The following MRE11 variants were observed in gnomAD, a reference collection of about 807,000 sequenced individuals.
The protein encoded by MRE11 is MRE11 double strand break repair nuclease, also known as double-strand break repair protein MRE11.
MRE11 carries 62 observed loss-of-function variants against 91.7 expected under a neutral mutation model. The ratio of observed to expected loss-of-function variants is 0.68; its 90% CI spans 0.55 to 0.84. MRE11 has a LOEUF of 0.84. Among genes scored for constraint, MRE11 ranks in the 40% least tolerant of loss-of-function variants. The pLI is 0.00. For missense variants in MRE11, 796 were observed against 852.9 expected (o/e 0.93, Z 0.83); for synonymous variants, 273 against 271.4 (o/e 1.01, Z -0.06).
At chr11:94,425,710 T>C (rs889112123) in intron 19 of MRE11, among the ~76,000 whole-genome samples, 19 of 152,162 alleles carry the variant, frequency 1.2e-4, no homozygotes, top group African/African-American at 4.3e-4. Flanking sequence ...TTATCAGATA[T>C]AGCCGATTTT....
intron 14 of MRE11, 33 bp from the exon 15 acceptor site, chr11:94,447,471 A>G: frequency 6.3e-7 from 1 of 1,586,424 alleles, no homozygotes; most frequent in Non-Finnish European, 8.7e-7. Flanking sequence ...AGTACACACA[A>G]TGAGATAACG....
intron 12 of MRE11, 129 bp from the exon 13 acceptor site, chr11:94,459,710 C>T: frequency 9.9e-7 from 1 of 1,011,764 alleles, no homozygotes; most frequent in African/African-American, 1.6e-5. Context: ...GTTAAGCCTA[C>T]TAATATCAGG....
chr11:94,446,440 A>G (rs1945934413), intron 15 of MRE11, among the ~76,000 whole-genome samples: 1 of 152,168 alleles, frequency 6.6e-6, no homozygotes, highest in Non-Finnish European at 1.5e-5. Context: ...AAAAATAAAA[A>G]TTTTTAAGGA....
intron 19 of MRE11, 43 bp downstream of exon 19, chr11:94,429,868 A>G (rs1363028807): frequency 2.0e-6 from 3 of 1,502,360 alleles, no homozygotes; most frequent in Non-Finnish European, 1.8e-6. Flanking sequence ...TAAATTTTAT[A>G]AAGTTAAAAA....
chr11:94,490,807 A>T (rs1198322857), intron 3 of MRE11, 26 bp downstream of exon 3: 3 of 1,608,036 alleles, frequency 1.9e-6, no homozygotes, highest in Non-Finnish European at 2.6e-6. Flanking sequence ...TATGGTAGAT[A>T]GTGCACAAAT....
intron 3 of MRE11, among the ~76,000 whole-genome samples, chr11:94,486,298 C>T (rs995434924): frequency 1.3e-5 from 2 of 152,170 alleles, no homozygotes; most frequent in African/African-American, 4.8e-5. Context: ...AGCCATCTTC[C>T]AATTACACCA....
intron 16 of MRE11, among the ~76,000 whole-genome samples, chr11:94,439,815 C>G (rs1945725055): frequency 6.6e-6 from 1 of 152,234 alleles, no homozygotes; most frequent in Non-Finnish European, 1.5e-5. Flanking sequence ...TGCTGGAGGA[C>G]ACACAACTAG....
rs1945117292 is a variant in MRE11, at chr11:94,419,643, A to C, written c.*482T>G. ...TTTAAATAAAAACATATCTGTTCAAACTATTAGGTACTTCTAATCATTTAG... is the reference window on the plus strand; with the variant it reads ...TTTAAATAAAAACATATCTGTTCAACCTATTAGGTACTTCTAATCATTTAG... On this transcript the variant is annotated 3_prime_UTR_variant, in exon 20 of 20. Coordinates refer to ENST00000323929, the MANE Select transcript of MRE11 (RefSeq NM_005591.4). The C allele has an allele frequency of 4.3e-6, 1 of 233,686 alleles. No individual in the cohort carries two copies. Among genetic ancestry groups the C allele is most frequent in the South Asian group, 1.8e-4 (1 of 5,574 alleles). The allele number at this position is 233,686 out of a possible 1,614,324, so 14.5% of individuals were successfully genotyped here. A position where few individuals can be genotyped will look rare whatever the true frequency, so the allele number is the denominator to read the frequency against.
rs1051066620 is a variant in MRE11, at chr11:94,416,557, C to G, written c.*3568G>C. The stretch of plus-strand genomic sequence containing the variant: ...AATGGTAGTTAGCTTTAAAAAAACA[C>G]AAAATAGGCTGGGCGTGGTGGCTCA... On this transcript the variant is annotated 3_prime_UTR_variant, in exon 20 of 20. Coordinates refer to ENST00000323929, the MANE Select transcript of MRE11 (RefSeq NM_005591.4). The G allele has an allele frequency of 2.0e-5, 3 of 151,748 alleles. No individual in the cohort carries two copies. The highest frequency in any genetic ancestry group is 7.3e-5 in the African/African-American group (3 of 41,296). 9.4% of individuals were successfully genotyped at this position (151,748 alleles called of 1,614,324 possible). A position where few individuals can be genotyped will look rare whatever the true frequency, so the allele number is the denominator to read the frequency against.
chr11:94,502,131 A>C, the MRE11 span, among the ~76,000 whole-genome samples: 4 of 152,166 alleles, frequency 2.6e-5, no homozygotes, highest in Admixed American at 6.5e-5. Flanking sequence ...ATACCATGTG[A>C]GCCTCACAAC....
the MRE11 span, among the ~76,000 whole-genome samples, chr11:94,501,521 T>C: frequency 6.6e-6 from 1 of 152,166 alleles, no homozygotes; most frequent in African/African-American, 2.4e-5. Flanking sequence ...TTTTGAGATG[T>C]TTTACTTTTT....
In MRE11 at chr11:94,454,803, A is replaced by G. The variant is rs1003887501; in HGVS notation, c.1563+1473T>C. Among the ~76,000 whole-genome samples the G allele has an allele frequency of 5.3e-5, 8 of 152,340 alleles. No homozygotes were observed. The South Asian group carries it at 1.4e-3, about 28-fold the overall frequency. On this transcript the variant is annotated intron_variant, in intron 14 of 19. Coordinates refer to ENST00000323929, the MANE Select transcript of MRE11 (RefSeq NM_005591.4). Reference sequence around the variant, plus strand: ...AAACATGAAGAACTCACTCAAACGTAAAGAAATATTTCTGTACCCTGTTAA... The same window carrying G: ...AAACATGAAGAACTCACTCAAACGTGAAGAAATATTTCTGTACCCTGTTAA...
chr11:94,470,512 G>A lies in MRE11; in HGVS notation c.976C>T (p.Pro326Ser), dbSNP rs1591692503. Residue 326 changes from proline (P) to serine (S), a missense_variant, in exon 9 of 20, where the codon CCT becomes TCT. Transcript: ENST00000323929. ...NHPDIFNPDN[P>S]KVTQAIQSFC... ...CTTTGTATGGCTTGGGTTACTTTAG[G>A]ATTATCTGGGTTAAAAATGTCTGGA... 1.2e-6 allele frequency: 2 copies of A among 1,613,034 alleles called. No individual in the cohort carries two copies. Among genetic ancestry groups the A allele is most frequent in the Non-Finnish European group, 1.7e-6 (2 of 1,179,302 alleles).
chr11:94,454,086 T>C (rs991124420), intron 14 of MRE11, among the ~76,000 whole-genome samples: 2 of 151,798 alleles, frequency 1.3e-5, no homozygotes, highest in Admixed American at 1.3e-4. Flanking sequence ...TTTTTTTTTT[T>C]TTTTTGAGAC....
At chr11:94,503,575 A>T in the MRE11 span, among the ~76,000 whole-genome samples, 18 of 152,132 alleles carry the variant, frequency 1.2e-4, no homozygotes, top group African/African-American at 4.3e-4. Context: ...CTGTAGTCCT[A>T]GCTACTCGGG....
chr11:94,444,266 T>TC (rs543072010), intron 16 of MRE11, among the ~76,000 whole-genome samples: 32 of 152,310 alleles, frequency 2.1e-4, no homozygotes, highest in African/African-American at 6.3e-4. Context: ...GTTGACAGTC[T>TC]CCTTGAAATA....
At chr11:94,467,411 A>C (rs2135020642) in intron 10 of MRE11, among the ~76,000 whole-genome samples, 1 of 152,252 alleles carries the variant, frequency 6.6e-6, no homozygotes, top group East Asian at 1.9e-4. Context: ...ACTGGAGAGA[A>C]GGTAGGGGCT....
chr11:94,422,198 G>C (rs1354725254), intron 19 of MRE11, among the ~76,000 whole-genome samples: 3 of 152,178 alleles, frequency 2.0e-5, no homozygotes, highest in African/African-American at 4.8e-5. Flanking sequence ...CAGTCATGTA[G>C]TTTTATTTAA....
chr11:94,449,936 C>T (rs538869251), intron 14 of MRE11, among the ~76,000 whole-genome samples: 34 of 152,270 alleles, frequency 2.2e-4, no homozygotes, highest in Non-Finnish European at 4.7e-4. Flanking sequence ...TTGTATGTGG[C>T]ACATGACTAC....
Sources: allele counts gnomAD v4.1 joint callset (sites outside exome capture counted in the v4.1 genomes callset), GRCh38; gene constraint gnomAD v4.1.1; transcripts MANE v1.5; gene names NCBI Gene and HGNC (gene_info 2026-07-23, HGNC 2026-07-21).